Variants in DACH2 observed in about 807,000 individuals in gnomAD.
The protein encoded by DACH2 is dachshund homolog 2.
In DACH2, 17 loss-of-function variants were observed where a neutral mutation model predicts 35.8. The observed-to-expected ratio is 0.48, with a 90% CI of 0.33 to 0.71. DACH2 has a LOEUF of 0.71. DACH2 is among the 30% of genes least tolerant of loss of function. The pLI is 0.02. For synonymous variants in DACH2, 195 were observed against 177.3 expected, an observed-to-expected ratio of 1.10 and a Z score of -0.79; for missense variants, 469 against 472.7, an observed-to-expected ratio of 0.99 and a Z score of 0.07.
chrX:86,675,859 A>G (rs1792426747), intron 4 of DACH2, among the ~76,000 whole-genome samples: 1 of 111,722 alleles, frequency 9.0e-6, no homozygotes, highest in Non-Finnish European at 1.9e-5. Flanking sequence ...AAATTATATT[A>G]TAAACCAAGA....
At chrX:86,277,125 T>A (rs1346042823) in intron 1 of DACH2, among the ~76,000 whole-genome samples, 1 of 111,997 alleles carries the variant, frequency 8.9e-6, no homozygotes, top group Non-Finnish European at 1.9e-5. Flanking sequence ...TTGGGTAGTA[T>A]GGATATTTTA....
intron 2 of DACH2, among the ~76,000 whole-genome samples, chrX:86,393,350 C>T (rs773479158): frequency 1.8e-5 from 2 of 111,882 alleles, no homozygotes; most frequent in Non-Finnish European, 3.8e-5. Flanking sequence ...TCTTTGATTA[C>T]GTGAGTCATG....
At chrX:86,221,033 T>C (rs918469552) in intron 1 of DACH2, among the ~76,000 whole-genome samples, 3 of 111,774 alleles carry the variant, frequency 2.7e-5, no homozygotes, top group African/African-American at 9.8e-5. Flanking sequence ...GTTGATTGTT[T>C]CTTTTGCTGT....
At chrX:86,506,337 C>T (rs955255968) in intron 2 of DACH2, among the ~76,000 whole-genome samples, 2 of 111,584 alleles carry the variant, frequency 1.8e-5, no homozygotes, top group African/African-American at 3.3e-5. Context: ...TTGTTGTGGC[C>T]CCCTCCATCT....
intron 5 of DACH2, among the ~76,000 whole-genome samples, chrX:86,703,361 G>A (rs776393274): frequency 4.5e-5 from 5 of 111,244 alleles, no homozygotes; most frequent in Admixed American, 2.9e-4. Flanking sequence ...GAACTGGAAC[G>A]AGAGAAGGTT....
intron 2 of DACH2, among the ~76,000 whole-genome samples, chrX:86,408,018 C>T (rs755329126): frequency 6.3e-5 from 7 of 110,526 alleles, no homozygotes; most frequent in Non-Finnish European, 1.1e-4. Context: ...TAAACCATGC[C>T]ATTTGACTGA....
At chrX:86,669,484 A>T (rs745964618) in intron 4 of DACH2, among the ~76,000 whole-genome samples, 1 of 111,576 alleles carries the variant, frequency 9.0e-6, no homozygotes, top group African/African-American at 3.3e-5. Flanking sequence ...GCAGTTTCAC[A>T]TCAACATATT....
intron 7 of DACH2, among the ~76,000 whole-genome samples, chrX:86,764,992 A>AT (rs36019551): frequency 0.31 from 33,630 of 110,158 alleles, 4,029 homozygotes; most frequent in Middle Eastern, 0.39. Context: ...GATGTTGAGC[A>AT]TTTTTTTCAT....
At chrX:86,216,991 T>C (rs2032587029) in intron 1 of DACH2, among the ~76,000 whole-genome samples, 1 of 109,413 alleles carries the variant, frequency 9.1e-6, no homozygotes, top group Non-Finnish European at 1.9e-5. Flanking sequence ...CTCAGGAGGC[T>C]GAGGCAGGAT....
rs1365691900 is a variant in DACH2, at chrX:86,148,626, T to G, written c.6T>G (p.Ala2=). M[A]VSASPVISAT... ...ACGATAGAGACAGAGTGACCATGGC[T>G]GTCTCCGCATCTCCAGTGATCTCTG... is the stretch of plus-strand genomic sequence containing the variant. Residue 2 remains alanine (A), a synonymous_variant, in exon 1 of 12, where the codon GCT becomes GCG. Transcript: ENST00000373125. The G allele has an allele frequency of 8.6e-7, 1 of 1,163,377 alleles. No homozygotes were observed. The highest frequency in any genetic ancestry group is 1.8e-5 in the African/African-American group (1 of 55,532).
chrX:86,738,812 C>A (rs1196475951), intron 6 of DACH2, among the ~76,000 whole-genome samples: 1 of 111,014 alleles, frequency 9.0e-6, no homozygotes, highest in Non-Finnish European at 1.9e-5. Context: ...GAAGAATTGA[C>A]CTTGATAGAT....
At chrX:86,220,697 T>C (rs1463545320) in intron 1 of DACH2, among the ~76,000 whole-genome samples, 1 of 112,295 alleles carries the variant, frequency 8.9e-6, no homozygotes, top group Admixed American at 9.4e-5. Flanking sequence ...TGCAGATATA[T>C]TTTCAAGATG....
intron 1 of DACH2, among the ~76,000 whole-genome samples, chrX:86,347,552 A>G (rs1243660154): frequency 8.8e-6 from 1 of 113,023 alleles, no homozygotes; most frequent in Non-Finnish European, 1.9e-5. Context: ...ACTGTCTTCA[A>G]CCAGACAATG....
At chrX:86,791,840 C>A (rs2147323846) in intron 7 of DACH2, among the ~76,000 whole-genome samples, 1 of 111,536 alleles carries the variant, frequency 9.0e-6, no homozygotes, top group South Asian at 3.7e-4. Flanking sequence ...AGTTTTTTTA[C>A]TTTTATATTA....
intron 2 of DACH2, among the ~76,000 whole-genome samples, chrX:86,421,021 A>G (rs1403290502): frequency 1.8e-5 from 2 of 111,299 alleles, no homozygotes; most frequent in Non-Finnish European, 3.8e-5. Flanking sequence ...GCTAATTTTC[A>G]TCCACTTATT....
intron 3 of DACH2, among the ~76,000 whole-genome samples, chrX:86,615,806 T>C (rs1452090413): frequency 9.0e-6 from 1 of 110,899 alleles, no homozygotes; most frequent in Non-Finnish European, 1.9e-5. Context: ...GGGGTACATG[T>C]GCAGTTTTGT....
At chrX:86,376,261 C>T (rs1476307923) in intron 1 of DACH2, among the ~76,000 whole-genome samples, 5 of 107,523 alleles carry the variant, frequency 4.7e-5, no homozygotes, top group Non-Finnish European at 9.7e-5. Context: ...AGTGATCTGT[C>T]GGAGATCAAT....
intron 1 of DACH2, among the ~76,000 whole-genome samples, chrX:86,273,108 C>A (rs983118380): frequency 5.4e-5 from 6 of 112,031 alleles, no homozygotes; most frequent in African/African-American, 1.9e-4. Flanking sequence ...TTTATAAATG[C>A]ATTCATGTTT....
intron 1 of DACH2, among the ~76,000 whole-genome samples, chrX:86,254,671 G>A (rs980030560): frequency 3.0e-5 from 3 of 100,130 alleles, no homozygotes; most frequent in Admixed American, 1.1e-4. Context: ...TTTTTTTTGT[G>A]TGTTTCGTAA....
Sources: allele counts gnomAD v4.1 joint callset (sites outside exome capture counted in the v4.1 genomes callset), GRCh38; gene constraint gnomAD v4.1.1; transcripts MANE v1.5; gene names NCBI Gene and HGNC (gene_info 2026-07-23, HGNC 2026-07-21).